Variants in CHRM2 observed in about 807,000 individuals in gnomAD.
CHRM2 encodes the protein cholinergic receptor muscarinic 2, also known as muscarinic acetylcholine receptor M2.
Under a neutral mutation model 25.0 loss-of-function variants are expected in CHRM2, and 8 were observed. The ratio of observed to expected loss-of-function variants is 0.32; its 90% CI spans 0.19 to 0.58. The LOEUF is 0.58. Ranked by LOEUF, CHRM2 falls within the 20% of genes least tolerant of loss-of-function variation. The probability of loss-of-function intolerance (pLI) is 0.88; values close to 1 mark genes in which losing one functional copy is unlikely to be tolerated. For missense variants in CHRM2, 440 were observed against 567.1 expected (o/e 0.78, Z 2.28); for synonymous variants, 202 against 205.7 (o/e 0.98, Z 0.15).
chr7:136,957,902 A>T (rs2130879581), intron 2 of CHRM2, among the ~76,000 whole-genome samples: 1 of 152,384 alleles, frequency 6.6e-6, no homozygotes, highest in East Asian at 1.9e-4. Context: ...CAATTCACTA[A>T]GAATATCAAA....
chr7:136,962,280 T>C (rs1171526673), intron 2 of CHRM2, among the ~76,000 whole-genome samples: 2 of 151,882 alleles, frequency 1.3e-5, no homozygotes, highest in Non-Finnish European at 2.9e-5. Flanking sequence ...TTTACAGGCA[T>C]GCGCCACCAT....
At chr7:136,886,178 T>G (rs569919496) in intron 2 of CHRM2, among the ~76,000 whole-genome samples, 1 of 152,216 alleles carries the variant, frequency 6.6e-6, no homozygotes, top group African/African-American at 2.4e-5. Context: ...CACAGGTAGA[T>G]TGTTAGATTG....
At chr7:136,936,831 A>T (rs1055061397) in intron 2 of CHRM2, among the ~76,000 whole-genome samples, 1 of 152,102 alleles carries the variant, frequency 6.6e-6, no homozygotes, top group African/African-American at 2.4e-5. Flanking sequence ...TTACCCTTCT[A>T]TGTTTCTACT....
intron 2 of CHRM2, among the ~76,000 whole-genome samples, chr7:136,939,373 G>A (rs2130810319): frequency 6.6e-6 from 1 of 152,344 alleles, no homozygotes; most frequent in Middle Eastern, 3.4e-3. Flanking sequence ...TTGAGCTCAA[G>A]TTCCAGTTCT....
intron 2 of CHRM2, chr7:136,903,361 A>C: frequency 5.0e-6 from 2 of 402,908 alleles, no homozygotes; most frequent in Non-Finnish European, 1.0e-5. Flanking sequence ...TTCAAAAGGA[A>C]GTCTTACTCT....
intron 2 of CHRM2, among the ~76,000 whole-genome samples, chr7:136,900,647 C>A (rs1797147913): frequency 6.6e-6 from 1 of 152,028 alleles, no homozygotes; most frequent in African/African-American, 2.4e-5. Context: ...ACACATGAGG[C>A]ATTCTAAGAA....
At chr7:137,009,586 G>A (rs1013181905) in intron 3 of CHRM2, among the ~76,000 whole-genome samples, 2 of 152,020 alleles carry the variant, frequency 1.3e-5, no homozygotes, top group Non-Finnish European at 2.9e-5. Context: ...TATCAGGTCA[G>A]AAGGAGAAAT....
At chr7:136,944,123 G>C (rs116999420) in intron 2 of CHRM2, among the ~76,000 whole-genome samples, 3,188 of 152,046 alleles carry the variant, frequency 0.021, 58 homozygotes, top group Non-Finnish European at 0.029. Context: ...AGGTCATTTG[G>C]GGAACATGTT....
intron 2 of CHRM2, among the ~76,000 whole-genome samples, chr7:136,923,181 C>G (rs1055184574): frequency 6.6e-6 from 1 of 151,674 alleles, no homozygotes; most frequent in African/African-American, 2.4e-5. Context: ...CATCTGGCAG[C>G]CACAAGGAGA....
intron 2 of CHRM2, among the ~76,000 whole-genome samples, chr7:136,986,177 C>A (rs914305400): frequency 3.3e-5 from 5 of 152,122 alleles, no homozygotes; most frequent in African/African-American, 1.2e-4. Context: ...AGGCCCCGAA[C>A]CCACCTCAGA....
chr7:136,971,314 A>G (rs907519451), intron 2 of CHRM2, among the ~76,000 whole-genome samples: 1 of 152,138 alleles, frequency 6.6e-6, no homozygotes, highest in African/African-American at 2.4e-5. Context: ...CCATCCTACA[A>G]TTTAGACCAC....
intron 3 of CHRM2, among the ~76,000 whole-genome samples, chr7:136,996,661 AAATT>A (rs1165538085): frequency 2.6e-5 from 4 of 152,210 alleles, no homozygotes; most frequent in Non-Finnish European, 4.4e-5. Flanking sequence ...AATTAGAAAT[AAATT>A]AAGTGTCACC....
intron 2 of CHRM2, among the ~76,000 whole-genome samples, chr7:136,880,389 C>T (rs1344309673): frequency 2.0e-5 from 3 of 151,834 alleles, no homozygotes; most frequent in African/African-American, 7.2e-5. Context: ...AAAGGTCATT[C>T]CTGTTTGGTT....
In CHRM2 at chr7:137,018,995, T is replaced by C. The variant is rs1805311186; in HGVS notation, c.*2729T>C. 1 of 151,912 alleles carries C rather than the reference T, an allele frequency of 6.6e-6. No individual in the cohort carries two copies. The highest frequency in any genetic ancestry group is 2.4e-5 in the African/African-American group (1 of 41,428). The allele number at this position is 151,912 out of a possible 1,614,324, so 9.4% of individuals were successfully genotyped here. On this transcript the variant is annotated 3_prime_UTR_variant, in exon 4 of 4. Transcript: ENST00000680005. ...TTTTTGGTTGCCACACTGGGAGGAA[T>C]GCTATTGGTATCTAGTGCATAGAGG...
At chr7:136,950,845 T>A (rs914866940) in intron 2 of CHRM2, among the ~76,000 whole-genome samples, 12 of 151,882 alleles carry the variant, frequency 7.9e-5, no homozygotes, top group Admixed American at 7.9e-4. Flanking sequence ...AGAGAGAATC[T>A]TGCTCTGTAT....
intron 2 of CHRM2, among the ~76,000 whole-genome samples, chr7:136,990,251 G>A (rs1252104797): frequency 6.6e-6 from 1 of 151,876 alleles, no homozygotes; most frequent in African/African-American, 2.4e-5. Context: ...GTTTATATTG[G>A]GGTTCACTCT....
rs371858239 is a variant in CHRM2 at position 137,014,343 on chromosome 7, C to A, written c.-46-477C>A. Among the ~76,000 whole-genome samples the A allele has an allele frequency of 4.9e-4, 75 of 152,078 alleles. 1 individual carries two copies. Among genetic ancestry groups the A allele is most frequent in the African/African-American group, 1.3e-3 (55 of 41,540 alleles). On this transcript the variant is annotated intron_variant, in intron 3 of 3. Coordinates refer to ENST00000680005, the MANE Select transcript of CHRM2 (RefSeq NM_001006630.2). ...GGCTTAGAGCTTCCATGAGGAAAGG[C>A]ACTGTTAACTATAAAAGTCACACAT...
intron 2 of CHRM2, chr7:136,871,998 TA>T: frequency 6.6e-6 from 1 of 152,262 alleles, no homozygotes; most frequent in Non-Finnish European, 1.5e-5. Context: ...GGCTAGACAA[TA>T]ATGCCAATTA....
At chr7:136,906,949 C>T (rs933629754) in intron 2 of CHRM2, 1 of 153,612 alleles carries the variant, frequency 6.5e-6, no homozygotes, top group Admixed American at 6.6e-5. Context: ...TCTTTTCCCG[C>T]AACTAGATGG....
Sources: allele counts gnomAD v4.1 joint callset (sites outside exome capture counted in the v4.1 genomes callset), GRCh38; gene constraint gnomAD v4.1.1; transcripts MANE v1.5; gene names NCBI Gene and HGNC (gene_info 2026-07-23, HGNC 2026-07-21).